The following PEAK1 variants were observed in gnomAD, a reference collection of about 807,000 sequenced individuals.
PEAK1 encodes inactive tyrosine-protein kinase PEAK1.
A neutral mutation model predicts 124.7 loss-of-function variants in PEAK1; 54 were observed. The ratio of observed to expected loss-of-function variants is 0.43; its 90% CI spans 0.35 to 0.54. The LOEUF (loss-of-function observed/expected upper bound fraction) is 0.54, where lower values mean the gene tolerates loss of function less well. Ranked by LOEUF, PEAK1 falls within the 20% of genes least tolerant of loss-of-function variation. The pLI is 0.01. For missense variants in PEAK1, 2,046 were observed against 2,134.5 expected (o/e 0.96, Z 0.82); for synonymous variants, 719 against 760.0 (o/e 0.95, Z 0.89).
At chr15:77,152,473 C>T (rs961028847) in intron 8 of PEAK1, among the ~76,000 whole-genome samples, 10 of 151,990 alleles carry the variant, frequency 6.6e-5, no homozygotes, top group African/African-American at 1.9e-4. Context: ...AATTGAATAC[C>T]CTTTATTTCC....
intron 1 of PEAK1, among the ~76,000 whole-genome samples, chr15:77,410,680 G>GTCTTTGCACTCAATGCATTGGC (rs1397399594): frequency 2.6e-5 from 4 of 152,170 alleles, no homozygotes; most frequent in Non-Finnish European, 5.9e-5. Flanking sequence ...ATAAGATACA[G>GTCTTTGCACTCAATGCATTGGC]TCTTTGCACT....
chr15:77,269,004 G>A (rs887458976), intron 5 of PEAK1, among the ~76,000 whole-genome samples: 1 of 151,662 alleles, frequency 6.6e-6, no homozygotes, highest in Non-Finnish European at 1.5e-5. Flanking sequence ...TACGAGCACC[G>A]CTAAAAGGAG....
In PEAK1 at chr15:77,326,030, T is replaced by C. The variant is rs185699956; in HGVS notation, c.-603+39133A>G. On this transcript the variant is annotated intron_variant, in intron 2 of 9. Transcript: ENST00000682557. ...CTATGATTTAGAATCCAGCACCATA[T>C]AGTTTGAATTTGTTTACTAAATGTT... Among the ~76,000 whole-genome samples, 76 of 152,206 alleles carry C rather than the reference T, an allele frequency of 5.0e-4. 1 individual carries two copies. The Middle Eastern group carries it at 0.01, about 20-fold the overall frequency.
chr15:77,165,626 T>C (rs1283409933), intron 7 of PEAK1, among the ~76,000 whole-genome samples: 4 of 152,094 alleles, frequency 2.6e-5, no homozygotes, highest in African/African-American at 7.2e-5. Flanking sequence ...AGTAGGGAGA[T>C]GCTGAGAAAT....
intron 9 of PEAK1, among the ~76,000 whole-genome samples, chr15:77,119,236 C>T (rs1054616413): frequency 3.9e-5 from 6 of 152,292 alleles, no homozygotes; most frequent in South Asian, 4.1e-4. Context: ...AGGAAATGCC[C>T]GCTTGAGCTA....
At chr15:77,157,962 T>A (rs1442250355) in intron 8 of PEAK1, 1 of 152,880 alleles carries the variant, frequency 6.5e-6, no homozygotes, top group Admixed American at 6.5e-5. Context: ...CAGCAAAAAG[T>A]CTAAGGTTTT....
At chr15:77,223,677 T>C (rs1431031993) in intron 6 of PEAK1, among the ~76,000 whole-genome samples, 1 of 152,046 alleles carries the variant, frequency 6.6e-6, no homozygotes, top group East Asian at 1.9e-4. Context: ...GGTAATGCAT[T>C]TGACCATAGA....
chr15:77,212,655 C>T (rs2058958075), intron 6 of PEAK1, among the ~76,000 whole-genome samples: 2 of 152,052 alleles, frequency 1.3e-5, no homozygotes, highest in Non-Finnish European at 2.9e-5. Context: ...CAACATAGGC[C>T]AAAGGACATT....
chr15:77,376,877 C>T lies in PEAK1; in HGVS notation c.-665-11652G>A, dbSNP rs567739620. ...TTTAACAAAAGCTGTATTACAGTTA[C>T]ACATCTCTTACCAACAGGGATACAT... On this transcript the variant is annotated intron_variant, in intron 1 of 9. Coordinates refer to ENST00000682557, the MANE Select transcript of PEAK1 (RefSeq NM_001385026.1). 1.8e-3 allele frequency among the ~76,000 whole-genome samples: 269 copies of T among 152,262 alleles called. 1 individual carries two copies. Among genetic ancestry groups the T allele is most frequent in the African/African-American group, 6.2e-3 (258 of 41,548 alleles).
intron 1 of PEAK1, among the ~76,000 whole-genome samples, chr15:77,400,783 T>C (rs935178186): frequency 6.6e-6 from 1 of 152,196 alleles, no homozygotes; most frequent in Non-Finnish European, 1.5e-5. Context: ...TGGAAAGATA[T>C]CATAGCTGAC....
At chr15:77,250,665 C>G (rs1280414211) in intron 6 of PEAK1, among the ~76,000 whole-genome samples, 2 of 151,816 alleles carry the variant, frequency 1.3e-5, no homozygotes, top group African/African-American at 4.8e-5. Context: ...CATCTCCTGA[C>G]CTTGTGATCT....
rs2057670804 is a variant in PEAK1, at chr15:77,188,634, TATTTC to T, written c.-114-6599_-114-6595del. Among the ~76,000 whole-genome samples the T allele has an allele frequency of 1.3e-5, 2 of 152,082 alleles. 1 individual carries two copies. The highest frequency in any genetic ancestry group is 4.1e-4 in the South Asian group (2 of 4,824). On this transcript the variant is annotated intron_variant, in intron 6 of 9. Transcript: ENST00000682557. ...CAAGCTTTTTCTTCTGCTTGGAATG[TATTTC>T]CTCTAATGCTGTTCCATTTGTTGAA...
At chr15:77,351,825 A>G (rs750186719) in intron 2 of PEAK1, 18 of 985,306 alleles carry the variant, frequency 1.8e-5, no homozygotes, top group African/African-American at 5.2e-5. Context: ...CGGGTGTGGT[A>G]ACAGTTTGAG....
chr15:77,225,690 A>ATATATATATATAT (rs2059610980), intron 6 of PEAK1, among the ~76,000 whole-genome samples: 1 of 139,982 alleles, frequency 7.1e-6, no homozygotes, highest in African/African-American at 2.6e-5. Context: ...ATATATATAT[A>ATATATATATATAT]TATATATGAC....
chr15:77,402,891 G>A (rs1420060375), intron 1 of PEAK1: 1 of 985,268 alleles, frequency 1.0e-6, no homozygotes, highest in Non-Finnish European at 1.2e-6. Context: ...ATGACTCAGT[G>A]AGTGGGCAGT....
At chr15:77,385,843 T>C (rs765284260) in intron 1 of PEAK1, among the ~76,000 whole-genome samples, 21 of 152,282 alleles carry the variant, frequency 1.4e-4, no homozygotes, top group Non-Finnish European at 2.9e-4. Flanking sequence ...GTTAAAAGCA[T>C]TGGGAATTTC....
At chr15:77,355,084 G>A (rs993049500) in intron 2 of PEAK1, among the ~76,000 whole-genome samples, 1 of 151,600 alleles carries the variant, frequency 6.6e-6, no homozygotes, top group Non-Finnish European at 1.5e-5. Context: ...AATCTGGCAG[G>A]CAAGTGAAAA....
chr15:77,223,886 A>ATTTTTTTTTTTTTTTTTTTTTTTTTTTTT (rs10719377), intron 6 of PEAK1, among the ~76,000 whole-genome samples: 1 of 121,608 alleles, frequency 8.2e-6, no homozygotes, highest in African/African-American at 3.0e-5. Context: ...CATTTGAGAG[A>ATTTTTTTTTTTTTTTTTTTTTTTTTTTTT]TTTTTTTTTT....
At chr15:77,413,542 A>C (rs527236522) in intron 1 of PEAK1, among the ~76,000 whole-genome samples, 1 of 152,350 alleles carries the variant, frequency 6.6e-6, no homozygotes, top group South Asian at 2.1e-4. Flanking sequence ...TAAACTGAAG[A>C]ACATTCTACA....
Sources: gnomAD v4.1 joint callset for allele counts (sites outside exome capture counted in the v4.1 genomes callset) on GRCh38, gnomAD v4.1.1 for gene constraint, MANE v1.5 for transcripts, NCBI Gene and HGNC (gene_info 2026-07-23, HGNC 2026-07-21) for gene names.